Variants in RAB6B observed in about 807,000 individuals in gnomAD.
RAB6B encodes the protein RAB6B, member RAS oncogene family.
RAB6B carries 7 observed loss-of-function variants against 31.2 expected under a neutral mutation model. That is an observed-to-expected ratio of 0.22 (90% CI 0.13 to 0.42). The LOEUF (loss-of-function observed/expected upper bound fraction) is 0.42. RAB6B is among the 10% of genes least tolerant of loss of function. The pLI, the probability that RAB6B is intolerant of heterozygous loss-of-function variation, is 1.00. For synonymous variants in RAB6B, 105 were observed against 104.9 expected (o/e 1.00, Z -0.01); for missense variants, 149 against 280.6 (o/e 0.53, Z 3.35).
intron 7 of RAB6B, among the ~76,000 whole-genome samples, 176 bp from the exon 8 acceptor site, chr3:133,829,028 C>T (rs1935617565): frequency 6.6e-6 from 1 of 152,168 alleles, no homozygotes; most frequent in Non-Finnish European, 1.5e-5. Context: ...GCCTCCTCTT[C>T]CCTTCACCCG....
chr3:133,854,617 A>G (rs930726353), intron 2 of RAB6B, among the ~76,000 whole-genome samples: 34 of 152,246 alleles, frequency 2.2e-4, no homozygotes, highest in African/African-American at 8.0e-4. Context: ...TATATGAGAA[A>G]TGGCAGGCCC....
chr3:133,851,789 G>T (rs1935987981), intron 2 of RAB6B, among the ~76,000 whole-genome samples: 1 of 152,224 alleles, frequency 6.6e-6, no homozygotes, highest in Admixed American at 6.5e-5. Flanking sequence ...CGAGGTCACA[G>T]GAACTAATTT....
At chr3:133,840,316 C>T (rs1191099334) in intron 4 of RAB6B, among the ~76,000 whole-genome samples, 1 of 152,172 alleles carries the variant, frequency 6.6e-6, no homozygotes, top group Non-Finnish European at 1.5e-5. Flanking sequence ...AGCTATAAGG[C>T]AATACCCACC....
intron 2 of RAB6B, among the ~76,000 whole-genome samples, chr3:133,862,615 A>C (rs1880663): frequency 6.6e-6 from 1 of 152,158 alleles, no homozygotes; most frequent in African/African-American, 2.4e-5. Flanking sequence ...GTGTGGAGGC[A>C]TAACAGTGTC....
chr3:133,887,641 G>A (rs890146998), intron 1 of RAB6B, among the ~76,000 whole-genome samples: 2 of 152,182 alleles, frequency 1.3e-5, no homozygotes, highest in Non-Finnish European at 2.9e-5. Context: ...GGGGATACAC[G>A]GAGAAAGCCA....
In RAB6B at chr3:133,839,520, G is replaced by A; in HGVS notation, c.387C>T (p.Asp129=). The part of the protein sequence containing the change: ...VIIMLVGNKT[D]LADKRQITIE... ...CTTGCACCTACCTCTTATCAGCCAG[G>A]TCCGTCTTGTTGCCCACCAGCATGA... The change falls in exon 5 of 8, where the codon GAC becomes GAT. Residue 129 remains aspartate (D), a synonymous_variant. Transcript: ENST00000285208. 1.9e-6 allele frequency: 3 copies of A among 1,613,820 alleles called. No homozygotes were observed. Among genetic ancestry groups the A allele is most frequent in the Non-Finnish European group, 2.5e-6 (3 of 1,179,672 alleles).
intron 1 of RAB6B, among the ~76,000 whole-genome samples, chr3:133,868,992 G>A (rs1381308487): frequency 1.3e-5 from 2 of 152,172 alleles, no homozygotes; most frequent in African/African-American, 2.4e-5. Flanking sequence ...GCTGGTTTAT[G>A]TAAAGGTCTG....
intron 2 of RAB6B, among the ~76,000 whole-genome samples, chr3:133,844,060 A>G (rs920651817): frequency 6.6e-6 from 1 of 152,184 alleles, no homozygotes; most frequent in Non-Finnish European, 1.5e-5. Context: ...GCTACTGATA[A>G]CTGTAATGAT....
At position 133,855,263 on chromosome 3, in the gene RAB6B, T is replaced by C. The variant is rs553305306; in HGVS notation, c.129+9321A>G. ...CAGTCTCTGGCAAATAGGCTGGGCA[T>C]ATCCTTGCCAGAAGCGCAGTAATGC... On this transcript the variant is annotated intron_variant, in intron 2 of 7. Coordinates refer to ENST00000285208, the MANE Select transcript of RAB6B (RefSeq NM_016577.4). Among the ~76,000 whole-genome samples, 17 of 152,370 alleles carry C rather than the reference T, an allele frequency of 1.1e-4. No individual in the cohort carries two copies. The South Asian group carries it at 3.5e-3, about 32-fold the overall frequency.
At chr3:133,879,363 G>T (rs1936436973) in intron 1 of RAB6B, among the ~76,000 whole-genome samples, 1 of 152,194 alleles carries the variant, frequency 6.6e-6, no homozygotes, top group Non-Finnish European at 1.5e-5. Context: ...AGGAACTAGA[G>T]TATAACTGTA....
At chr3:133,871,425 A>G (rs1048615586) in intron 1 of RAB6B, among the ~76,000 whole-genome samples, 4 of 152,170 alleles carry the variant, frequency 2.6e-5, no homozygotes. Flanking sequence ...ACTGGATGAA[A>G]CGACAGTCAT....
intron 2 of RAB6B, among the ~76,000 whole-genome samples, chr3:133,842,154 A>G (rs1016811604): frequency 6.6e-6 from 1 of 152,230 alleles, no homozygotes; most frequent in African/African-American, 2.4e-5. Flanking sequence ...GGGTGCAAAC[A>G]GCAGCATGGC....
intron 2 of RAB6B, 112 bp from the exon 3 acceptor site, chr3:133,841,775 G>A: frequency 9.8e-7 from 1 of 1,023,564 alleles, no homozygotes; most frequent in Non-Finnish European, 1.5e-6. Context: ...CTCATGTCAG[G>A]TCTAATGTGG....
At chr3:133,880,947 T>C (rs1411313700) in intron 1 of RAB6B, among the ~76,000 whole-genome samples, 1 of 152,106 alleles carries the variant, frequency 6.6e-6, no homozygotes, top group Non-Finnish European at 1.5e-5. Flanking sequence ...GGGTGGAAAA[T>C]GCACTTAGAT....
intron 1 of RAB6B, among the ~76,000 whole-genome samples, chr3:133,891,774 G>A (rs977500386): frequency 6.6e-6 from 1 of 152,210 alleles, no homozygotes; most frequent in Non-Finnish European, 1.5e-5. Flanking sequence ...TCCAAGGAAT[G>A]CTATTCACAG....
At position 133,841,709 on chromosome 3, in the gene RAB6B, C is replaced by A. The variant is rs762637860; in HGVS notation, c.130-46G>T. On this transcript the variant is annotated intron_variant, in intron 2 of 7. Coordinates refer to ENST00000285208, the MANE Select transcript of RAB6B (RefSeq NM_016577.4). ...ACGGTCAAAATCAAAAGGTCTCATG[C>A]AAAGGGGCAAAAGCCTAGCGACCAC... The A allele has an allele frequency of 2.5e-6, 4 of 1,599,210 alleles. No homozygotes were observed. In the African/African-American group the frequency reaches 5.4e-5, roughly 21 times the overall value.
chr3:133,834,126 AGAG>A (rs1264433099), intron 7 of RAB6B, among the ~76,000 whole-genome samples: 1 of 151,942 alleles, frequency 6.6e-6, no homozygotes, highest in Non-Finnish European at 1.5e-5. Context: ...AGGGCTGGGT[AGAG>A]AAGGTGGGCG....
intron 2 of RAB6B, among the ~76,000 whole-genome samples, chr3:133,846,320 G>A (rs1181538052): frequency 6.6e-5 from 10 of 152,146 alleles, no homozygotes; most frequent in South Asian, 6.2e-4. Context: ...CTTGGCGGAC[G>A]CCTGTAATCC....
At chr3:133,888,955 C>T (rs533778336) in intron 1 of RAB6B, among the ~76,000 whole-genome samples, 1 of 152,206 alleles carries the variant, frequency 6.6e-6, no homozygotes, top group African/African-American at 2.4e-5. Flanking sequence ...TCTGGTACTT[C>T]TCCCTGGCAA....
Sources: allele counts gnomAD v4.1 joint callset (sites outside exome capture counted in the v4.1 genomes callset), GRCh38; gene constraint gnomAD v4.1.1; transcripts MANE v1.5; gene names NCBI Gene and HGNC (gene_info 2026-07-23, HGNC 2026-07-21).